ELP4: variants seen among roughly 807,000 people sequenced by gnomAD.
ELP4 encodes the protein elongator acetyltransferase complex subunit 4.
Under a neutral mutation model 48.9 loss-of-function variants are expected in ELP4, and 51 were observed. The observed-to-expected ratio is 1.04, with a 90% CI of 0.83 to 1.32. ELP4 has a LOEUF of 1.32. ELP4 is among the 40% of genes most tolerant of loss of function. ELP4 has a pLI of 0.00. For missense variants in ELP4, 519 were observed against 514.6 expected (o/e 1.01, Z -0.08); for synonymous variants, 210 against 189.2 (o/e 1.11, Z -0.90).
At chr11:31,578,364 C>G (rs7952510) in intron 3 of ELP4, among the ~76,000 whole-genome samples, 54,625 of 151,844 alleles carry the variant, frequency 0.36, 12,086 homozygotes, top group African/African-American at 0.62. Context: ...ACTATACTGC[C>G]CAAGGTAATT....
intron 9 of ELP4, among the ~76,000 whole-genome samples, chr11:31,758,344 A>G (rs1401528084): frequency 6.6e-6 from 1 of 152,178 alleles, no homozygotes; most frequent in Non-Finnish European, 1.5e-5. Context: ...CATTCCAGAA[A>G]TGGAATCTGT....
chr11:31,713,829 A>T (rs1225200713), intron 9 of ELP4, among the ~76,000 whole-genome samples: 1 of 152,184 alleles, frequency 6.6e-6, no homozygotes, highest in African/African-American at 2.4e-5. Flanking sequence ...GGACCTATCA[A>T]CCTTCTTCTC....
Position 31,623,513 on chromosome 11 carries a change from T to C in ELP4, c.654-3597T>C, listed in dbSNP as rs1015802557. The stretch of plus-strand genomic sequence containing the variant: ...AATCCCATATATTCAAAAATTAATA[T>C]TCACAATTGATAATACCTAAATGTA... On this transcript the variant is annotated intron_variant, in intron 5 of 9. Transcript: ENST00000640961. 2.0e-5 allele frequency among the ~76,000 whole-genome samples: 3 copies of C among 149,570 alleles called. No homozygotes were observed. The East Asian group carries it at 5.8e-4, about 29-fold the overall frequency.
chr11:31,647,883 G>T (rs770895253), intron 8 of ELP4, 34 bp downstream of exon 8: 2 of 1,301,334 alleles, frequency 1.5e-6, no homozygotes, highest in Admixed American at 3.4e-5. Flanking sequence ...AAGAGCAGGA[G>T]CAGGCTGCTT....
intron 3 of ELP4, among the ~76,000 whole-genome samples, chr11:31,557,570 A>G (rs1424029330): frequency 1.3e-5 from 2 of 152,052 alleles, no homozygotes; most frequent in Non-Finnish European, 2.9e-5. Flanking sequence ...GCATTGTAGT[A>G]TAGTTTGGTC....
intron 3 of ELP4, among the ~76,000 whole-genome samples, chr11:31,572,216 T>A (rs984988022): frequency 1.3e-5 from 2 of 152,222 alleles, no homozygotes; most frequent in African/African-American, 4.8e-5. Flanking sequence ...GAATTGCTGT[T>A]TCACTTTGCA....
At position 31,749,941 on chromosome 11, in the gene ELP4, C is replaced by T. The variant is rs189264206; in HGVS notation, c.1144-33452C>T. Among the ~76,000 whole-genome samples, 861 of 151,712 alleles carry T rather than the reference C, an allele frequency of 5.7e-3. 10 individuals carry two copies. The highest frequency in any genetic ancestry group is 0.02 in the African/African-American group (817 of 41,356). The stretch of plus-strand genomic sequence containing the variant: ...CGTGATCTCGGCTCACTGCAAGCTC[C>T]GCCTCCCAGGTTCACGCCATTCTCC... On this transcript the variant is annotated intron_variant, in intron 9 of 9. Coordinates refer to ENST00000640961, the MANE Select transcript of ELP4 (RefSeq NM_019040.5).
intron 9 of ELP4, among the ~76,000 whole-genome samples, chr11:31,751,653 TACC>T (rs1947722618): frequency 6.6e-6 from 1 of 152,198 alleles, no homozygotes; most frequent in Admixed American, 6.5e-5. Flanking sequence ...ATCTCAAGCA[TACC>T]CTCTTTTCTG....
At chr11:31,569,675 A>G (rs1314370858) in intron 3 of ELP4, among the ~76,000 whole-genome samples, 3 of 152,084 alleles carry the variant, frequency 2.0e-5, no homozygotes, top group East Asian at 1.9e-4. Context: ...GCAATGAGCT[A>G]AGATCACACC....
chr11:31,765,062 A>C (rs1184247628), intron 9 of ELP4, among the ~76,000 whole-genome samples: 1 of 152,154 alleles, frequency 6.6e-6, no homozygotes, highest in Non-Finnish European at 1.5e-5. Flanking sequence ...CAAAACACTA[A>C]GACTGAATTA....
intron 9 of ELP4, among the ~76,000 whole-genome samples, chr11:31,679,958 C>T (rs966325877): frequency 2.0e-5 from 3 of 152,166 alleles, no homozygotes; most frequent in Non-Finnish European, 4.4e-5. Flanking sequence ...CCACCCTGAG[C>T]TTCCAACAGT....
intron 9 of ELP4, chr11:31,780,847 C>T (rs570738773): frequency 2.6e-5 from 4 of 152,280 alleles, no homozygotes; most frequent in South Asian, 4.1e-4. Flanking sequence ...CAGTATGACC[C>T]GTTAACTAAA....
intron 9 of ELP4, among the ~76,000 whole-genome samples, chr11:31,751,552 T>A (rs1403815526): frequency 6.6e-6 from 1 of 152,172 alleles, no homozygotes; most frequent in Admixed American, 6.5e-5. Context: ...AAAAACAGCA[T>A]ACTCAGAGTT....
At chr11:31,582,889 TG>T (rs1203847394) in intron 3 of ELP4, among the ~76,000 whole-genome samples, 1 of 143,178 alleles carries the variant, frequency 7.0e-6, no homozygotes, top group Non-Finnish European at 1.5e-5. Flanking sequence ...GCAACTGTGG[TG>T]GGGGCGGGGT....
At chr11:31,617,253 T>A (rs887082483) in intron 5 of ELP4, among the ~76,000 whole-genome samples, 2 of 152,110 alleles carry the variant, frequency 1.3e-5, no homozygotes, top group South Asian at 4.1e-4. Flanking sequence ...ACATATTTCA[T>A]ATATAAATAC....
intron 3 of ELP4, among the ~76,000 whole-genome samples, chr11:31,552,144 A>G (rs1388989948): frequency 1.3e-5 from 2 of 152,098 alleles, no homozygotes; most frequent in Non-Finnish European, 2.9e-5. Flanking sequence ...CTTGGTTTCC[A>G]GGATACTACC....
At chr11:31,511,669 G>C (rs955841407) in intron 1 of ELP4, 1 of 152,176 alleles carries the variant, frequency 6.6e-6, no homozygotes, top group Admixed American at 6.5e-5. Flanking sequence ...GGCTACCGCT[G>C]TCTGAAATTT....
At chr11:31,775,394 A>G (rs72900360) in intron 9 of ELP4, among the ~76,000 whole-genome samples, 44,579 of 152,048 alleles carry the variant, frequency 0.29, 7,427 homozygotes, top group Non-Finnish European at 0.37. Flanking sequence ...ACAAATGGCC[A>G]TCTCTTGGCT....
At chr11:31,697,272 C>T (rs1465288553) in intron 9 of ELP4, among the ~76,000 whole-genome samples, 6 of 152,102 alleles carry the variant, frequency 3.9e-5, no homozygotes, top group East Asian at 1.9e-4. Flanking sequence ...TCTAAGTCTT[C>T]GTTTCCATTT....
Sources: allele counts gnomAD v4.1 joint callset (sites outside exome capture counted in the v4.1 genomes callset), GRCh38; gene constraint gnomAD v4.1.1; transcripts MANE v1.5; gene names NCBI Gene and HGNC (gene_info 2026-07-23, HGNC 2026-07-21).